OR52N2: variants seen among roughly 807,000 people sequenced by gnomAD.
OR52N2 encodes the protein olfactory receptor family 52 subfamily N member 2.
For missense variants in OR52N2, 326 were observed against 196.6 expected (o/e 1.66, Z -3.94); for synonymous variants, 129 against 72.0 (o/e 1.79, Z -4.01).
rs761089584 is a variant in OR52N2 at position 5,821,160 on chromosome 11, A to G, written c.825A>G (p.Ile275Met). 2 of 780,894 alleles carry G rather than the reference A, an allele frequency of 2.6e-6. No individual in the cohort carries two copies. The highest frequency in any genetic ancestry group is 2.4e-5 in the East Asian group (1 of 41,248). 48.4% of individuals were successfully genotyped at this position (780,894 alleles called of 1,614,324 possible). ...TAGGACACAATATCCCAAACCACAT[A>G]CACATCATCGTGGCCAACCTTTATC... The part of the protein sequence containing the change: ...RFVGHNIPNH[I>M]HIIVANLYLL... The change falls in exon 2 of 2, where the codon ATA becomes ATG. Residue 275 changes from isoleucine to methionine, a missense_variant. Coordinates refer to ENST00000317037, the MANE Select transcript of OR52N2 (RefSeq NM_001005174.3).
intron 1 of OR52N2, among the ~76,000 whole-genome samples, chr11:5,812,318 C>T (rs1456133963): frequency 1.4e-5 from 2 of 141,476 alleles, no homozygotes; most frequent in Non-Finnish European, 3.2e-5. Flanking sequence ...CACGGTGAAA[C>T]CCTGTATCTA....
intron 1 of OR52N2, among the ~76,000 whole-genome samples, chr11:5,813,354 C>T (rs2134240960): frequency 6.6e-6 from 1 of 151,898 alleles, no homozygotes; most frequent in East Asian, 1.9e-4. Context: ...AATTATATGC[C>T]AACAAACTGG....
Position 5,820,884 on chromosome 11 carries a change from T to C in OR52N2, c.549T>C (p.His183=), listed in dbSNP as rs2134244702. ...TCATCCCCCACACCTACTGTGACCA[T>C]ATGTCTGTGGCCAAGGTATCCTGTG... is the stretch of plus-strand genomic sequence containing the variant. The part of the protein sequence containing the change: ...GNFIPHTYCD[H]MSVAKVSCGN... The change falls in exon 2 of 2, where the codon CAT becomes CAC. Residue 183 remains histidine, a synonymous_variant. Transcript: ENST00000317037. 1 of 780,994 alleles carries C rather than the reference T, an allele frequency of 1.3e-6. No homozygotes were observed. Among genetic ancestry groups the C allele is most frequent in the East Asian group, 2.4e-5 (1 of 41,228 alleles). 48.4% of individuals were successfully genotyped at this position (780,994 alleles called of 1,614,324 possible).
intron 1 of OR52N2, among the ~76,000 whole-genome samples, chr11:5,813,494 A>G (rs34123108): frequency 0.11 from 16,632 of 152,072 alleles, 1,115 homozygotes; most frequent in East Asian, 0.25. Context: ...TATCTAAACA[A>G]ACCAAAGATA....
At chr11:5,818,707 T>C (rs1846423653) in intron 1 of OR52N2, among the ~76,000 whole-genome samples, 1 of 152,208 alleles carries the variant, frequency 6.6e-6, no homozygotes, top group African/African-American at 2.4e-5. Flanking sequence ...ATGGCTCTTT[T>C]TCTTTCTGGG....
At chr11:5,810,775 C>G (rs79763576) in intron 1 of OR52N2, among the ~76,000 whole-genome samples, 1 of 151,176 alleles carries the variant, frequency 6.6e-6, no homozygotes, top group African/African-American at 2.4e-5. Context: ...AGTACACAAT[C>G]TTTTTTTTTA....
chr11:5,818,953 CTG>C (rs1335024352), intron 1 of OR52N2, among the ~76,000 whole-genome samples: 1 of 152,154 alleles, frequency 6.6e-6, no homozygotes, highest in Non-Finnish European at 1.5e-5. Flanking sequence ...TCACGAGCTT[CTG>C]AAACATGTGG....
intron 1 of OR52N2, among the ~76,000 whole-genome samples, chr11:5,814,754 C>T (rs965680939): frequency 2.0e-5 from 3 of 152,074 alleles, no homozygotes; most frequent in African/African-American, 7.2e-5. Context: ...TCAAGGGACC[C>T]TACATAGCCA....
At chr11:5,816,372 G>T (rs773653755) in intron 1 of OR52N2, among the ~76,000 whole-genome samples, 1 of 152,080 alleles carries the variant, frequency 6.6e-6, no homozygotes, top group East Asian at 1.9e-4. Flanking sequence ...AATGAATCGG[G>T]CATGTCAATA....
chr11:5,815,375 TCAA>T (rs1267314216), intron 1 of OR52N2, among the ~76,000 whole-genome samples: 2 of 151,680 alleles, frequency 1.3e-5, no homozygotes, highest in Non-Finnish European at 2.9e-5. Context: ...CTCCTAAACC[TCAA>T]CAACAACAAC....
intron 1 of OR52N2, among the ~76,000 whole-genome samples, chr11:5,816,496 C>T (rs1846405557): frequency 6.6e-6 from 1 of 151,638 alleles, no homozygotes; most frequent in Non-Finnish European, 1.5e-5. Context: ...TGAGTGTAAA[C>T]AGTGCGGAGG....
Position 5,820,290 on chromosome 11 carries a change from C to A in OR52N2, c.-46C>A. On this transcript the variant is annotated 5_prime_UTR_variant, in exon 2 of 2. Transcript: ENST00000317037. Reference sequence around the variant, plus strand: ...CCCTCTCCCTCTCCTAGGCAGAAAGCAATGGCTGCTAAAGAGTATAAAATG... The same window carrying A: ...CCCTCTCCCTCTCCTAGGCAGAAAGAAATGGCTGCTAAAGAGTATAAAATG... 3.9e-6 allele frequency: 3 copies of A among 764,170 alleles called. No individual in the cohort carries two copies. Among genetic ancestry groups the A allele is most frequent in the South Asian group, 2.8e-5 (2 of 71,492 alleles). The allele number at this position is 764,170 out of a possible 1,614,324, so 47.3% of individuals were successfully genotyped here.
At chr11:5,816,314 A>C (rs779070568) in intron 1 of OR52N2, among the ~76,000 whole-genome samples, 6 of 152,202 alleles carry the variant, frequency 3.9e-5, no homozygotes, top group Non-Finnish European at 8.8e-5. Flanking sequence ...CCTGAACATG[A>C]TTAAGATGGC....
chr11:5,816,162 G>C (rs1370765626), intron 1 of OR52N2, among the ~76,000 whole-genome samples: 1 of 152,106 alleles, frequency 6.6e-6, no homozygotes, highest in Non-Finnish European at 1.5e-5. Context: ...GGTTGCCAGA[G>C]GCTGGTGGGA....
rs1407587004 is a variant in OR52N2, at chr11:5,821,208, C to T, written c.873C>T (p.Asn291=). The T allele has an allele frequency of 2.6e-6, 2 of 780,856 alleles. No individual in the cohort carries two copies. The highest frequency in any genetic ancestry group is 3.4e-5 in the Admixed American group (2 of 58,994). 48.4% of individuals were successfully genotyped at this position (780,856 alleles called of 1,614,324 possible). The part of the protein sequence containing the change: ...NLYLLLPPTM[N]PIVYGVKTKQ... ...ATCTGCTACTGCCTCCTACCATGAACCCAATTGTTTATGGAGTCAAGACCA... is the reference window on the plus strand; with the variant it reads ...ATCTGCTACTGCCTCCTACCATGAATCCAATTGTTTATGGAGTCAAGACCA... The change falls in exon 2 of 2, where the codon AAC becomes AAT. Residue 291 remains asparagine, a synonymous_variant. Transcript: ENST00000317037.
At chr11:5,816,690 C>A (rs1846407521) in intron 1 of OR52N2, among the ~76,000 whole-genome samples, 1 of 152,128 alleles carries the variant, frequency 6.6e-6, no homozygotes, top group Non-Finnish European at 1.5e-5. Flanking sequence ...CAGGCTTGCA[C>A]TACCACGCCT....
intron 1 of OR52N2, among the ~76,000 whole-genome samples, chr11:5,814,606 T>C (rs1456455880): frequency 6.6e-6 from 1 of 152,130 alleles, no homozygotes; most frequent in East Asian, 1.9e-4. Flanking sequence ...ACATGCCATG[T>C]TCAAGGGGTG....
At chr11:5,820,184 G>A (rs1846434705) in intron 1 of OR52N2, 98 bp from the exon 2 acceptor site, 1 of 655,576 alleles carries the variant, frequency 1.5e-6, no homozygotes, top group East Asian at 2.5e-5. Flanking sequence ...AGAATTTCTG[G>A]TTATCAATGT....
chr11:5,816,419 G>A (rs1315826410), intron 1 of OR52N2, among the ~76,000 whole-genome samples: 2 of 152,172 alleles, frequency 1.3e-5, no homozygotes, highest in Non-Finnish European at 2.9e-5. Context: ...TATGAGCAAA[G>A]TGATAAATTA....
Sources: gnomAD v4.1 joint callset for allele counts (sites outside exome capture counted in the v4.1 genomes callset) on GRCh38, gnomAD v4.1.1 for gene constraint, MANE v1.5 for transcripts, NCBI Gene and HGNC (gene_info 2026-07-23, HGNC 2026-07-21) for gene names.